Variants in PTPRG observed in about 807,000 individuals in gnomAD.
PTPRG encodes the protein receptor-type tyrosine-protein phosphatase gamma.
PTPRG carries 102 observed loss-of-function variants against 165.3 expected under a neutral mutation model. That is an observed-to-expected ratio of 0.62 (90% CI 0.53 to 0.73). The LOEUF (loss-of-function observed/expected upper bound fraction) is 0.73. Ranked by LOEUF, PTPRG falls within the 30% of genes least tolerant of loss-of-function variation. The pLI, the probability that PTPRG is intolerant of heterozygous loss-of-function variation, is 0.00. For synonymous variants in PTPRG, 675 were observed against 669.5 expected (o/e 1.01, Z -0.13); for missense variants, 1,866 against 1,861.4 (o/e 1.00, Z -0.05).
intron 8 of PTPRG, among the ~76,000 whole-genome samples, chr3:62,170,911 A>G (rs1376654957): frequency 6.6e-6 from 1 of 152,100 alleles, no homozygotes; most frequent in South Asian, 2.1e-4. Flanking sequence ...CCCGTCTAGG[A>G]TCTCAGGACT....
intron 2 of PTPRG, among the ~76,000 whole-genome samples, chr3:61,899,622 G>A: frequency 6.6e-6 from 1 of 152,154 alleles, no homozygotes. Context: ...CACCAGGAAT[G>A]GGTCCCAAAC....
intron 4 of PTPRG, among the ~76,000 whole-genome samples, chr3:62,006,477 A>G (rs2041301418): frequency 6.6e-6 from 1 of 152,150 alleles, no homozygotes; most frequent in South Asian, 2.1e-4. Flanking sequence ...ATATAACTAC[A>G]TTGTTTTCCA....
At chr3:62,130,016 A>G (rs1427570060) in intron 5 of PTPRG, among the ~76,000 whole-genome samples, 2 of 152,224 alleles carry the variant, frequency 1.3e-5, no homozygotes, top group Admixed American at 6.5e-5. Context: ...ACTCATGGAA[A>G]CTAATGGCTA....
At chr3:62,286,757 T>C (rs191472026) in intron 28 of PTPRG, among the ~76,000 whole-genome samples, 21 of 152,256 alleles carry the variant, frequency 1.4e-4, no homozygotes, top group Non-Finnish European at 5.9e-5. Flanking sequence ...TGAATTTATA[T>C]ACTACTGTCA....
chr3:62,272,195 T>G (rs927926277), intron 21 of PTPRG, among the ~76,000 whole-genome samples: 1 of 152,200 alleles, frequency 6.6e-6, no homozygotes, highest in Non-Finnish European at 1.5e-5. Flanking sequence ...ACAAGAACTT[T>G]CCACACTAGA....
chr3:61,785,506 T>G (rs1575662041), intron 2 of PTPRG, among the ~76,000 whole-genome samples: 1 of 152,332 alleles, frequency 6.6e-6, no homozygotes, highest in East Asian at 1.9e-4. Flanking sequence ...ATTAGCTGCA[T>G]GCTTCTGGTA....
chr3:61,836,589 C>G (rs747635860), intron 2 of PTPRG, among the ~76,000 whole-genome samples: 4 of 152,148 alleles, frequency 2.6e-5, no homozygotes, highest in Non-Finnish European at 5.9e-5. Flanking sequence ...AAGGCCTGAA[C>G]TAGGAATATC....
chr3:62,243,517 G>T (rs1483515237), intron 14 of PTPRG: 2 of 236,280 alleles, frequency 8.5e-6, no homozygotes, highest in Non-Finnish European at 1.6e-5. Context: ...TGTGTGGTAG[G>T]TTTACTCTCT....
chr3:61,604,136 C>T (rs530938118), intron 1 of PTPRG, among the ~76,000 whole-genome samples: 2 of 152,264 alleles, frequency 1.3e-5, no homozygotes, highest in African/African-American at 4.8e-5. Flanking sequence ...CCTGTCTGGC[C>T]AACATGGCAA....
chr3:62,039,123 C>A (rs575875404), intron 4 of PTPRG, among the ~76,000 whole-genome samples: 1 of 151,896 alleles, frequency 6.6e-6, no homozygotes, highest in Non-Finnish European at 1.5e-5. Flanking sequence ...TTAGTAGGGA[C>A]GGGGTTTCAC....
At chr3:62,241,010 G>A (rs1234771207) in intron 14 of PTPRG, among the ~76,000 whole-genome samples, 1 of 152,122 alleles carries the variant, frequency 6.6e-6, no homozygotes, top group African/African-American at 2.4e-5. Flanking sequence ...GATAGATCAA[G>A]GAATAGTGAA....
chr3:61,949,095 A>G (rs2039834830), intron 2 of PTPRG, among the ~76,000 whole-genome samples: 1 of 152,010 alleles, frequency 6.6e-6, no homozygotes, highest in South Asian at 2.1e-4. Flanking sequence ...TTTAATGGGA[A>G]TGCTCAGATG....
intron 1 of PTPRG, among the ~76,000 whole-genome samples, chr3:61,583,928 A>G (rs1700369764): frequency 6.6e-6 from 1 of 152,194 alleles, no homozygotes; most frequent in Non-Finnish European, 1.5e-5. Context: ...AAGGGCACCA[A>G]TATCAGCTGG....
At chr3:61,813,327 T>TAAAAAAAAAA (rs757811011) in intron 2 of PTPRG, among the ~76,000 whole-genome samples, 9 of 87,472 alleles carry the variant, frequency 1.0e-4, no homozygotes, top group Admixed American at 3.7e-4. Flanking sequence ...CCATGATTAC[T>TAAAAAAAAAA]AAAAAAAAAA....
chr3:62,061,810 A>G (rs536309090), intron 4 of PTPRG, among the ~76,000 whole-genome samples: 45 of 151,324 alleles, frequency 3.0e-4, no homozygotes, highest in African/African-American at 8.7e-4. Context: ...TTGTATTTTT[A>G]GTAGAGACGG....
chr3:61,827,753 A>G (rs1305210305), intron 2 of PTPRG, among the ~76,000 whole-genome samples: 1 of 152,234 alleles, frequency 6.6e-6, no homozygotes, highest in Non-Finnish European at 1.5e-5. Context: ...AATATCAAGT[A>G]GATAAAATAC....
intron 5 of PTPRG, among the ~76,000 whole-genome samples, chr3:62,087,153 T>C (rs865891910): frequency 6.6e-6 from 1 of 152,236 alleles, no homozygotes; most frequent in African/African-American, 2.4e-5. Context: ...TTAGGCACTC[T>C]GTAGTAACCT....
intron 2 of PTPRG, among the ~76,000 whole-genome samples, chr3:61,865,494 C>G (rs919058717): frequency 1.3e-5 from 2 of 152,114 alleles, no homozygotes; most frequent in African/African-American, 4.8e-5. Context: ...TGACCTAGTA[C>G]CCAAGTTTGT....
chr3:61,843,649 C>CT (rs1433959528), intron 2 of PTPRG, among the ~76,000 whole-genome samples: 4 of 152,208 alleles, frequency 2.6e-5, no homozygotes, highest in East Asian at 1.9e-4. Context: ...ATTTTCTTCT[C>CT]TTTTTTTACT....
Sources: allele counts gnomAD v4.1 joint callset (sites outside exome capture counted in the v4.1 genomes callset), GRCh38; gene constraint gnomAD v4.1.1; transcripts MANE v1.5; gene names NCBI Gene and HGNC (gene_info 2026-07-23, HGNC 2026-07-21).